The following CACNA1C variants were observed in gnomAD, a reference collection of about 807,000 sequenced individuals.
CACNA1C encodes voltage-dependent L-type calcium channel subunit alpha-1C.
A neutral mutation model predicts 229.0 loss-of-function variants in CACNA1C; 30 were observed. The observed-to-expected ratio is 0.13, with a 90% CI of 0.10 to 0.18. The LOEUF is 0.18. Ranked by LOEUF, CACNA1C falls within the 10% of genes least tolerant of loss-of-function variation. The pLI, the probability that CACNA1C is intolerant of heterozygous loss-of-function variation, is 1.00. For synonymous variants in CACNA1C, 1,114 were observed against 1,132.5 expected, an observed-to-expected ratio of 0.98 and a Z score of 0.33; for missense variants, 1,658 against 2,845.0, an observed-to-expected ratio of 0.58 and a Z score of 9.49.
Position 2,608,733 on chromosome 12 carries a change from G to T in CACNA1C, c.3558+21G>T. ...ACCAGGTAGCTTCCTAGGAAGGAGC[G>T]GAGGGAAGCGGGGCCCACGGAGGGA... is the stretch of plus-strand genomic sequence containing the variant. On this transcript the variant is annotated intron_variant, in intron 27 of 46. Transcript: ENST00000399655. This position sits in a 1 kb window ranked among gnomAD's most constrained non-coding sequence, Gnocchi z 4.2. 1 of 1,612,038 alleles carries T rather than the reference G, an allele frequency of 6.2e-7. No individual in the cohort carries two copies.
chr12:2,243,532 TG>T (rs995358007), intron 3 of CACNA1C, among the ~76,000 whole-genome samples: 2 of 152,096 alleles, frequency 1.3e-5, no homozygotes, highest in Non-Finnish European at 2.9e-5. Context: ...GAAGACCACA[TG>T]GGGGGATGAT....
At chr12:2,517,942 C>T (rs1220752097) in intron 9 of CACNA1C, among the ~76,000 whole-genome samples, 1 of 152,178 alleles carries the variant, frequency 6.6e-6, no homozygotes, top group African/African-American at 2.4e-5. Context: ...TTAAATGCAC[C>T]CTGGCTCTCT....
intron 3 of CACNA1C, among the ~76,000 whole-genome samples, chr12:2,146,262 G>C (rs1466818266): frequency 6.6e-6 from 1 of 151,138 alleles, no homozygotes; most frequent in Non-Finnish European, 1.5e-5. Flanking sequence ...AGAAGGGATA[G>C]AGGGCTCAAG....
chr12:1,989,377 A>G (rs964245515), intron 1 of CACNA1C, among the ~76,000 whole-genome samples: 3 of 151,734 alleles, frequency 2.0e-5, no homozygotes, highest in African/African-American at 7.3e-5. Flanking sequence ...GCAGGAGCAG[A>G]GCAAAGAGAA....
chr12:2,112,819 A>T (rs974220358), intron 1 of CACNA1C, among the ~76,000 whole-genome samples: 6 of 152,132 alleles, frequency 3.9e-5, no homozygotes, highest in African/African-American at 1.4e-4. Context: ...AGTATATAGC[A>T]TTGTGGACAG....
At chr12:2,409,881 C>G (rs970755325) in intron 3 of CACNA1C, among the ~76,000 whole-genome samples, 11 of 152,210 alleles carry the variant, frequency 7.2e-5, no homozygotes, top group Non-Finnish European at 1.5e-4. Flanking sequence ...TACACAGTCC[C>G]TCTCAGGTCA....
chr12:2,198,717 G>T (rs1388366816), intron 3 of CACNA1C, among the ~76,000 whole-genome samples: 1 of 152,158 alleles, frequency 6.6e-6, no homozygotes, highest in Non-Finnish European at 1.5e-5. Context: ...GGGGGTTCTG[G>T]CTAGGAAGGG....
chr12:2,471,875 T>C (rs1246234639), intron 5 of CACNA1C, among the ~76,000 whole-genome samples: 1 of 152,204 alleles, frequency 6.6e-6, no homozygotes, highest in African/African-American at 2.4e-5. Flanking sequence ...GAGACGGGGT[T>C]TCACCATCTT....
At chr12:2,583,600 G>A (rs555019684) in intron 15 of CACNA1C, among the ~76,000 whole-genome samples, 1 of 152,344 alleles carries the variant, frequency 6.6e-6, no homozygotes, top group Admixed American at 6.5e-5. Flanking sequence ...AGGCAGTGCA[G>A]AAAACACAGT....
At chr12:2,439,424 C>T (rs1217267095) in intron 3 of CACNA1C, among the ~76,000 whole-genome samples, 3 of 152,236 alleles carry the variant, frequency 2.0e-5, no homozygotes, top group Admixed American at 2.0e-4. Context: ...ATTGGCTTCT[C>T]ATCCCCAGAC....
At chr12:2,082,753 C>T (rs181933533) in intron 1 of CACNA1C, among the ~76,000 whole-genome samples, 39 of 152,274 alleles carry the variant, frequency 2.6e-4, no homozygotes, top group Non-Finnish European at 4.7e-4. Context: ...GTTCTAGTCA[C>T]ACACTGGAGA....
chr12:2,576,858 C>G (rs2058598329), intron 13 of CACNA1C, among the ~76,000 whole-genome samples: 1 of 152,226 alleles, frequency 6.6e-6, no homozygotes, highest in Non-Finnish European at 1.5e-5. Context: ...CCAGCCAAGG[C>G]CTGCCAGTCT....
intron 38 of CACNA1C, among the ~76,000 whole-genome samples, chr12:2,672,635 G>A (rs1006137572): frequency 1.3e-5 from 2 of 152,008 alleles, no homozygotes; most frequent in Non-Finnish European, 2.9e-5. Context: ...TAGCCTCCAG[G>A]GTCTTGTGTC....
At chr12:2,268,323 C>T (rs955896645) in intron 3 of CACNA1C, among the ~76,000 whole-genome samples, 7 of 152,090 alleles carry the variant, frequency 4.6e-5, no homozygotes, top group Non-Finnish European at 8.8e-5. Flanking sequence ...GATCCAGGCT[C>T]GGTGGCTGGA....
intron 1 of CACNA1C, among the ~76,000 whole-genome samples, chr12:2,007,653 G>T (rs1276651764): frequency 1.3e-5 from 2 of 152,206 alleles, no homozygotes; most frequent in Non-Finnish European, 2.9e-5. Flanking sequence ...CCTTAGTAGA[G>T]AAGAGTTAAT....
chr12:2,364,954 CAAG>C (rs1454394490), intron 3 of CACNA1C, among the ~76,000 whole-genome samples: 2 of 152,120 alleles, frequency 1.3e-5, no homozygotes, highest in African/African-American at 4.8e-5. Flanking sequence ...GAATTTAAGG[CAAG>C]AAGGAGAATG....
chr12:2,642,993 T>A (rs1381754050), intron 30 of CACNA1C, among the ~76,000 whole-genome samples: 1 of 152,196 alleles, frequency 6.6e-6, no homozygotes, highest in Non-Finnish European at 1.5e-5. Flanking sequence ...CTGCAGCCAG[T>A]AGCACAGGGC....
chr12:2,080,930 A>G (rs558856201), intron 1 of CACNA1C, among the ~76,000 whole-genome samples: 1 of 152,336 alleles, frequency 6.6e-6, no homozygotes, highest in African/African-American at 2.4e-5. Context: ...GTTCTAGGAA[A>G]CAGTGGAGAG....
chr12:2,688,302 CA>C, intron 45 of CACNA1C, 144 bp from the exon 46 acceptor site: 1 of 704,870 alleles, frequency 1.4e-6, no homozygotes, highest in Non-Finnish European at 2.5e-6. Context: ...ATAGGACCGA[CA>C]GGGGAAAATA....
Sources: gnomAD v4.1 joint callset for allele counts (sites outside exome capture counted in the v4.1 genomes callset) on GRCh38, gnomAD v4.1.1 for gene constraint, Gnocchi (gnomAD v3.1) non-coding constraint, MANE v1.5 for transcripts, NCBI Gene and HGNC (gene_info 2026-07-23, HGNC 2026-07-21) for gene names.